Variants in SEMA3A observed in about 807,000 individuals in gnomAD.
The protein encoded by SEMA3A is semaphorin-3A.
A neutral mutation model predicts 97.9 loss-of-function variants in SEMA3A; 29 were observed. The observed-to-expected ratio is 0.30, with a 90% CI of 0.22 to 0.40. The LOEUF (loss-of-function observed/expected upper bound fraction) is 0.40. Ranked by LOEUF, SEMA3A falls within the 10% of genes least tolerant of loss-of-function variation. SEMA3A has a pLI of 1.00. For missense variants in SEMA3A, 763 were observed against 951.3 expected (o/e 0.80, Z 2.60); for synonymous variants, 321 against 323.7 (o/e 0.99, Z 0.09).
At chr7:84,340,782 G>GAAA (rs3048716) in intron 2 of SEMA3A, among the ~76,000 whole-genome samples, 25 of 86,220 alleles carry the variant, frequency 2.9e-4, no homozygotes, top group South Asian at 8.4e-4. Context: ...CTCCATCTCG[G>GAAA]AAAAAAAAAA....
chr7:84,132,872 A>G (rs1238410067), intron 2 of SEMA3A, among the ~76,000 whole-genome samples: 1 of 151,656 alleles, frequency 6.6e-6, no homozygotes, highest in Admixed American at 6.6e-5. Context: ...GACAGGTTTC[A>G]CCATGTTGGC....
chr7:84,396,799 A>G (rs1392169861), intron 1 of SEMA3A, among the ~76,000 whole-genome samples: 1 of 152,000 alleles, frequency 6.6e-6, no homozygotes, highest in Non-Finnish European at 1.5e-5. Flanking sequence ...TCTTATCTCA[A>G]AAAAATCACC....
intron 2 of SEMA3A, among the ~76,000 whole-genome samples, chr7:84,333,073 T>G (rs1265634195): frequency 1.3e-5 from 2 of 152,216 alleles, no homozygotes; most frequent in Middle Eastern, 3.4e-3. Context: ...ACTATTTTTG[T>G]GTAATTGCTG....
intron 1 of SEMA3A, among the ~76,000 whole-genome samples, chr7:84,380,677 G>T (rs1803235884): frequency 6.6e-6 from 1 of 152,180 alleles, no homozygotes; most frequent in African/African-American, 2.4e-5. Flanking sequence ...CAGTTCTATA[G>T]GTCAGAAGTC....
intron 4 of SEMA3A, among the ~76,000 whole-genome samples, chr7:84,094,116 G>C (rs1343077362): frequency 2.0e-5 from 3 of 152,070 alleles, no homozygotes; most frequent in African/African-American, 7.2e-5. Flanking sequence ...AGTCAGGCCA[G>C]AGAGGGGAGA....
intron 1 of SEMA3A, among the ~76,000 whole-genome samples, chr7:84,484,470 A>G (rs1337737175): frequency 6.6e-6 from 1 of 151,962 alleles, no homozygotes; most frequent in Non-Finnish European, 1.5e-5. Context: ...CAAACCTATC[A>G]CTGTGGAGTA....
intron 1 of SEMA3A, among the ~76,000 whole-genome samples, chr7:84,170,052 T>A (rs1797337776): frequency 6.6e-6 from 1 of 151,832 alleles, no homozygotes; most frequent in African/African-American, 2.4e-5. Context: ...ATGACAAATA[T>A]TAAGTGTCAC....
chr7:84,022,768 G>A (rs1791374217), intron 6 of SEMA3A, among the ~76,000 whole-genome samples: 2 of 152,192 alleles, frequency 1.3e-5, no homozygotes, highest in African/African-American at 4.8e-5. Context: ...AAGGTAAATA[G>A]AATTGAGAAG....
At chr7:84,416,116 T>C (rs1804426725) in intron 1 of SEMA3A, among the ~76,000 whole-genome samples, 2 of 152,282 alleles carry the variant, frequency 1.3e-5, no homozygotes, top group South Asian at 4.1e-4. Context: ...GGTTTGGCTA[T>C]GTCCCCACCC....
rs1260293703 is a variant in SEMA3A at position 84,078,624 on chromosome 7, G to A, written c.454-18066C>T. On this transcript the variant is annotated intron_variant, in intron 4 of 16. Transcript: ENST00000265362. ...TAGCAATTAATCATGGTTGGACAAGGAAGTTAATGGAAACGTCAAAGTGAT... is the reference window on the plus strand; with the variant it reads ...TAGCAATTAATCATGGTTGGACAAGAAAGTTAATGGAAACGTCAAAGTGAT... 3.9e-5 allele frequency among the ~76,000 whole-genome samples: 6 copies of A among 152,104 alleles called. No individual in the cohort carries two copies. The South Asian group carries it at 1.0e-3, about 26-fold the overall frequency.
At chr7:84,321,615 G>A (rs575347337) in intron 2 of SEMA3A, among the ~76,000 whole-genome samples, 3 of 152,072 alleles carry the variant, frequency 2.0e-5, no homozygotes, top group Non-Finnish European at 2.9e-5. Context: ...AGTGGCTCAC[G>A]CCTGTCATCA....
intron 3 of SEMA3A, among the ~76,000 whole-genome samples, chr7:84,231,902 G>C: frequency 6.6e-6 from 1 of 151,982 alleles, no homozygotes; most frequent in Admixed American, 6.6e-5. Flanking sequence ...CCCCAGAGAG[G>C]ATACATGGAA....
At chr7:84,327,903 T>C (rs1336245578) in intron 2 of SEMA3A, among the ~76,000 whole-genome samples, 2 of 151,976 alleles carry the variant, frequency 1.3e-5, no homozygotes, top group Non-Finnish European at 2.9e-5. Context: ...AGAGTTAAAA[T>C]GTAAACTAGG....
chr7:84,037,141 GC>G (rs1308047043), intron 6 of SEMA3A, among the ~76,000 whole-genome samples: 1 of 147,658 alleles, frequency 6.8e-6, no homozygotes, highest in East Asian at 2.2e-4. Context: ...CTTCCAAACA[GC>G]TAAGTTTTTT....
At chr7:84,286,046 C>G (rs1187078388) in intron 3 of SEMA3A, among the ~76,000 whole-genome samples, 1 of 151,536 alleles carries the variant, frequency 6.6e-6, no homozygotes. Context: ...AAACATAGCC[C>G]TCAAATTCAA....
chr7:84,046,050 T>C (rs1001707027), intron 6 of SEMA3A, among the ~76,000 whole-genome samples: 1 of 151,954 alleles, frequency 6.6e-6, no homozygotes, highest in Non-Finnish European at 1.5e-5. Context: ...TCTTTTTCCA[T>C]TTCCTCCCTT....
At chr7:84,421,386 G>T (rs1562941131) in intron 1 of SEMA3A, among the ~76,000 whole-genome samples, 2 of 152,018 alleles carry the variant, frequency 1.3e-5, no homozygotes, top group Non-Finnish European at 2.9e-5. Context: ...AGTTCTTCAA[G>T]TTTAAGCAAA....
chr7:84,428,523 CT>C (rs1477026856), intron 1 of SEMA3A, among the ~76,000 whole-genome samples: 1 of 151,772 alleles, frequency 6.6e-6, no homozygotes, highest in Non-Finnish European at 1.5e-5. Context: ...CATAAACAAG[CT>C]TTTTTTGTAT....
chr7:84,271,343 A>G (rs1298238951), intron 3 of SEMA3A, among the ~76,000 whole-genome samples: 1 of 152,010 alleles, frequency 6.6e-6, no homozygotes, highest in South Asian at 2.1e-4. Flanking sequence ...GTGTTCCACT[A>G]CACCCAACTT....
Sources: gnomAD v4.1 joint callset for allele counts (sites outside exome capture counted in the v4.1 genomes callset) on GRCh38, gnomAD v4.1.1 for gene constraint, MANE v1.5 for transcripts, NCBI Gene and HGNC (gene_info 2026-07-23, HGNC 2026-07-21) for gene names.